FGD6: variants seen among roughly 807,000 people sequenced by gnomAD.
The protein encoded by FGD6 is FYVE, RhoGEF and PH domain-containing protein 6.
FGD6 carries 90 observed loss-of-function variants against 149.4 expected under a neutral mutation model. The ratio of observed to expected loss-of-function variants is 0.60; its 90% CI spans 0.51 to 0.72. FGD6 has a LOEUF of 0.72. Ranked by LOEUF, FGD6 falls within the 30% of genes least tolerant of loss-of-function variation. The pLI is 0.00. For missense variants in FGD6, 1,437 were observed against 1,684.8 expected (o/e 0.85, Z 2.57); for synonymous variants, 527 against 584.0 (o/e 0.90, Z 1.41).
At position 95,080,432 on chromosome 12, in the gene FGD6, T is replaced by G. The variant is rs1877636400; in HGVS notation, c.*1088A>C. ...TGAATCTAAATCTTTCCTAAGGAGG[T>G]GTGCTGATAGCTGCTTATAGAGAAA... On this transcript the variant is annotated 3_prime_UTR_variant, in exon 21 of 21. Coordinates refer to ENST00000343958, the MANE Select transcript of FGD6 (RefSeq NM_018351.4). The G allele has an allele frequency of 6.6e-6, 1 of 151,862 alleles. No homozygotes were observed. 9.4% of individuals were successfully genotyped at this position (151,862 alleles called of 1,614,324 possible).
At chr12:95,161,741 T>C (rs1225577207) in intron 3 of FGD6, among the ~76,000 whole-genome samples, 2 of 152,182 alleles carry the variant, frequency 1.3e-5, no homozygotes, top group Admixed American at 6.6e-5. Context: ...GTCAGTACCA[T>C]CTTTACACTT....
rs527788999 is a variant in FGD6 at position 95,107,040 on chromosome 12, G to T, written c.3334-3C>A. On this transcript the variant is annotated splice_polypyrimidine_tract_variant and splice_region_variant and intron_variant, in intron 12 of 20. Transcript: ENST00000343958. ...GTATACAGCAGGGCATCATTAAACTGAAAGTAGAAACATTTCAGGGGAGAA... is the reference window on the plus strand; with the variant it reads ...GTATACAGCAGGGCATCATTAAACTTAAAGTAGAAACATTTCAGGGGAGAA... The T allele has an allele frequency of 6.2e-7, 1 of 1,605,332 alleles. No individual in the cohort carries two copies. The highest frequency in any genetic ancestry group is 1.1e-5 in the South Asian group (1 of 89,178).
At chr12:95,179,203 G>A (rs545535759) in intron 2 of FGD6, among the ~76,000 whole-genome samples, 51 of 152,198 alleles carry the variant, frequency 3.4e-4, no homozygotes, top group African/African-American at 1.1e-3. Context: ...ACTGACTAAA[G>A]ACATAATCAG....
rs79004981 is a variant in FGD6, at chr12:95,193,978, C to T, written c.2441+14865G>A. On this transcript the variant is annotated intron_variant, in intron 2 of 20. Coordinates refer to ENST00000343958, the MANE Select transcript of FGD6 (RefSeq NM_018351.4). ...AGACAGGGTCTCACTCTGTCACCCACGCTAGAATGCAGTGGCGTGATTACA... is the reference window on the plus strand; with the variant it reads ...AGACAGGGTCTCACTCTGTCACCCATGCTAGAATGCAGTGGCGTGATTACA... Among the ~76,000 whole-genome samples, 1,509 of 152,084 alleles carry T rather than the reference C, an allele frequency of 9.9e-3. 24 individuals carry two copies. Among genetic ancestry groups the T allele is most frequent in the African/African-American group, 0.034 (1,426 of 41,476 alleles).
intron 2 of FGD6, among the ~76,000 whole-genome samples, chr12:95,174,676 C>T (rs1010755764): frequency 6.6e-6 from 1 of 152,098 alleles, no homozygotes; most frequent in Non-Finnish European, 1.5e-5. Context: ...CGCCTGTAAT[C>T]CCAGCACTTT....
chr12:95,214,011 A>G (rs2056740523), intron 1 of FGD6, among the ~76,000 whole-genome samples: 2 of 152,232 alleles, frequency 1.3e-5, no homozygotes, highest in African/African-American at 4.8e-5. Context: ...TCTAAAGCCC[A>G]TAGGAATCTG....
chr12:95,124,016 C>A (rs114063711), intron 8 of FGD6, among the ~76,000 whole-genome samples: 1 of 151,762 alleles, frequency 6.6e-6, no homozygotes, highest in Middle Eastern at 3.4e-3. Flanking sequence ...TGGACTCAAG[C>A]GATACTCCTG....
intron 2 of FGD6, among the ~76,000 whole-genome samples, chr12:95,205,267 C>CAAA (rs398055845): frequency 1.9e-4 from 27 of 142,622 alleles, no homozygotes; most frequent in African/African-American, 6.7e-4. Context: ...GACTCTGTCT[C>CAAA]AAAAAAAAAA....
rs77466370 is a variant in FGD6 at position 95,210,298 on chromosome 12, T to C, written c.986A>G (p.Lys329Arg). ...GCTTTCACTAGGAGTATCTACACAC[T>C]TTTGGCGTAACAGACGAGCAGTTCG... ...KTRTARLLRQ[K>R]CVDTPSESTE... is the part of the protein sequence containing the mutation. The change falls in exon 2 of 21, where the codon AAG (lysine) becomes AGG (arginine). Residue 329 changes from lysine (K) to arginine (R), a missense_variant. Physicochemically the swap from Lys to Arg is conservative, Grantham distance 26. Transcript: ENST00000343958. 1,186 of 1,614,170 alleles carry C rather than the reference T, an allele frequency of 7.3e-4. 20 individuals carry two copies. The East Asian group carries it at 0.021, about 29-fold the overall frequency.
intron 2 of FGD6, among the ~76,000 whole-genome samples, chr12:95,194,514 C>T (rs1023818629): frequency 3.3e-5 from 5 of 152,228 alleles, no homozygotes; most frequent in Admixed American, 1.3e-4. Flanking sequence ...GGATTACAGG[C>T]GTGAGCCACC....
intron 8 of FGD6, among the ~76,000 whole-genome samples, chr12:95,124,563 C>A (rs554777542): frequency 6.6e-6 from 1 of 152,310 alleles, no homozygotes; most frequent in South Asian, 2.1e-4. Context: ...TGCTATAGCT[C>A]TGCCAAGACA....
chr12:95,179,737 C>T (rs1881226206), intron 2 of FGD6, among the ~76,000 whole-genome samples: 1 of 151,760 alleles, frequency 6.6e-6, no homozygotes, highest in Non-Finnish European at 1.5e-5. Flanking sequence ...CTTCAATAGC[C>T]ATTAAAAAAA....
At chr12:95,186,177 T>C (rs1881423221) in intron 2 of FGD6, among the ~76,000 whole-genome samples, 1 of 148,568 alleles carries the variant, frequency 6.7e-6, no homozygotes, top group South Asian at 2.2e-4. Flanking sequence ...TCTAACCTGC[T>C]GCCTGTTTTT....
intron 16 of FGD6, 109 bp downstream of exon 16, chr12:95,092,587 GTTA>G: frequency 9.4e-7 from 1 of 1,068,350 alleles, no homozygotes; most frequent in Non-Finnish European, 1.3e-6. Flanking sequence ...AATAATAATA[GTTA>G]TTGTTATTCT....
chr12:95,159,568 T>C (rs1406820768), intron 3 of FGD6, among the ~76,000 whole-genome samples: 1 of 152,198 alleles, frequency 6.6e-6, no homozygotes, highest in East Asian at 1.9e-4. Context: ...GCTGGGAGTG[T>C]TGGCTCATGC....
At chr12:95,211,579 G>A (rs1268381524) in intron 1 of FGD6, among the ~76,000 whole-genome samples, 1 of 143,524 alleles carries the variant, frequency 7.0e-6, no homozygotes, top group African/African-American at 2.6e-5. Context: ...TTGCCCTGTC[G>A]CCCAGGCTGG....
intron 8 of FGD6, chr12:95,117,097 G>A (rs565279181): frequency 2.0e-5 from 5 of 253,298 alleles, no homozygotes; most frequent in African/African-American, 6.7e-5. Flanking sequence ...TAATAACAAC[G>A]AGGAGAGCAG....
In FGD6 at chr12:95,076,982, T is replaced by TC. The variant is rs1877514184; in HGVS notation, c.*4537dup. The TC allele has an allele frequency of 6.6e-6, 1 of 152,002 alleles. No individual in the cohort carries two copies. Among genetic ancestry groups the TC allele is most frequent in the Non-Finnish European group, 1.5e-5 (1 of 68,014 alleles). The allele number at this position is 152,002 out of a possible 1,614,324, so 9.4% of individuals were successfully genotyped here. ...AGCAAGTTGCTCCCCCTTCATTCCTTCCCCCAACTCCAAAGGGAAAGGAAT... is the reference window on the plus strand; with the variant it reads ...AGCAAGTTGCTCCCCCTTCATTCCTTCCCCCCAACTCCAAAGGGAAAGGAAT... On this transcript the variant is annotated 3_prime_UTR_variant, in exon 21 of 21. Transcript: ENST00000343958.
intron 2 of FGD6, among the ~76,000 whole-genome samples, chr12:95,173,166 C>T (rs1881040079): frequency 1.3e-5 from 2 of 152,092 alleles, no homozygotes; most frequent in African/African-American, 4.8e-5. Context: ...AAACAAGTAA[C>T]AAATCTATGA....
Sources: allele counts gnomAD v4.1 joint callset (sites outside exome capture counted in the v4.1 genomes callset), GRCh38; gene constraint gnomAD v4.1.1; transcripts MANE v1.5; gene names NCBI Gene and HGNC (gene_info 2026-07-23, HGNC 2026-07-21).